LRRC9: variants seen among roughly 807,000 people sequenced by gnomAD.
The protein encoded by LRRC9 is leucine rich repeat containing 9.
In LRRC9, 122 loss-of-function variants were observed where a neutral mutation model predicts 63.2. The observed-to-expected ratio is 1.93, with a 90% confidence interval of 1.67 to 2.24. The LOEUF (loss-of-function observed/expected upper bound fraction) is 2.24. Ranked by LOEUF, LRRC9 falls within the 30% of genes most tolerant of loss-of-function variation. The pLI, the probability that LRRC9 is intolerant of heterozygous loss-of-function variation, is 0.00. For missense variants in LRRC9, 1,071 were observed against 627.7 expected (o/e 1.71, Z -7.55); for synonymous variants, 366 against 213.1 (o/e 1.72, Z -6.25).
At chr14:59,978,182 G>T in intron 15 of LRRC9, 50 bp downstream of exon 15, 1 of 688,856 alleles carries the variant, frequency 1.5e-6, no homozygotes, top group Non-Finnish European at 2.7e-6. Flanking sequence ...CCTTAAATGG[G>T]AACAAAGTAG....
chr14:60,000,547 A>G (rs898593285), intron 19 of LRRC9, among the ~76,000 whole-genome samples: 1 of 152,202 alleles, frequency 6.6e-6, no homozygotes, highest in African/African-American at 2.4e-5. Context: ...ATGGAACAGA[A>G]TAACAACCTA....
chr14:59,985,361 C>G, intron 17 of LRRC9, 137 bp downstream of exon 17: 1 of 465,934 alleles, frequency 2.1e-6, no homozygotes, highest in Non-Finnish European at 3.8e-6. Flanking sequence ...ATAAATTAGA[C>G]AAGTTCTAGG....
intron 7 of LRRC9, among the ~76,000 whole-genome samples, chr14:59,944,211 T>A (rs74580025): frequency 1.3e-5 from 2 of 151,966 alleles, no homozygotes; most frequent in African/African-American, 4.8e-5. Flanking sequence ...TTCTTATTAA[T>A]TTATTTTATT....
intron 26 of LRRC9, among the ~76,000 whole-genome samples, chr14:60,022,444 GT>G (rs1318962227): frequency 4.0e-5 from 6 of 151,614 alleles, no homozygotes; most frequent in Non-Finnish European, 5.9e-5. Context: ...AATAAAGACA[GT>G]TTTATTTACT....
chr14:60,032,021 C>T lies in LRRC9; in HGVS notation c.3948C>T (p.Asp1316=), dbSNP rs151003354. 1.5e-3 allele frequency: 1,021 copies of T among 700,560 alleles called. 24 individuals carry two copies. The East Asian group carries it at 0.023, about 15-fold the overall frequency. 43.4% of individuals were successfully genotyped at this position (700,560 alleles called of 1,614,324 possible). ...ATATCACAGAACTGGAAAAACTTGA[C>T]GTTATCTCTACTCTCAGGGAGCTTA... The change falls in exon 29 of 32, where the codon GAC becomes GAT. Residue 1316 remains aspartate, a synonymous_variant. Coordinates refer to ENST00000445360, the Ensembl canonical transcript of LRRC9.
chr14:60,026,581 C>T (rs547977287), intron 27 of LRRC9, among the ~76,000 whole-genome samples: 18 of 152,102 alleles, frequency 1.2e-4, no homozygotes, highest in African/African-American at 4.3e-4. Context: ...TAGCTTGATG[C>T]AGTCCCATTT....
intron 30 of LRRC9, among the ~76,000 whole-genome samples, chr14:60,055,911 A>C (rs1894250767): frequency 6.6e-6 from 1 of 151,104 alleles, no homozygotes; most frequent in Non-Finnish European, 1.5e-5. Flanking sequence ...TCTTGGAAAA[A>C]AAAAAAAAAA....
chr14:59,985,288 TATC>T (rs1190144249), intron 17 of LRRC9, 64 bp downstream of exon 17: 5 of 555,842 alleles, frequency 9.0e-6, no homozygotes, highest in Admixed American at 8.2e-5. Context: ...GAATGGTGGT[TATC>T]AGGGCCTAAG....
chr14:60,041,786 C>T (rs1464664498), intron 29 of LRRC9, among the ~76,000 whole-genome samples: 1 of 152,216 alleles, frequency 6.6e-6, no homozygotes, highest in Non-Finnish European at 1.5e-5. Context: ...TGTTCTGTTG[C>T]TGGCGAGGAG....
chr14:59,994,848 C>G (rs1455960855), intron 17 of LRRC9, among the ~76,000 whole-genome samples: 1 of 151,228 alleles, frequency 6.6e-6, no homozygotes, highest in Non-Finnish European at 1.5e-5. Flanking sequence ...ACATCACACA[C>G]CGGGGCCTGT....
At chr14:60,043,257 C>T (rs1893109149) in intron 29 of LRRC9, among the ~76,000 whole-genome samples, 1 of 152,206 alleles carries the variant, frequency 6.6e-6, no homozygotes, top group Non-Finnish European at 1.5e-5. Context: ...TTATTTTGCT[C>T]CTACCTTTTC....
At chr14:60,037,011 T>G (rs903730902) in intron 29 of LRRC9, among the ~76,000 whole-genome samples, 1 of 152,016 alleles carries the variant, frequency 6.6e-6, no homozygotes, top group Non-Finnish European at 1.5e-5. Context: ...TGAGAACATG[T>G]GGTGTTTGGT....
chr14:60,025,537 C>T (rs1262069210), intron 27 of LRRC9, among the ~76,000 whole-genome samples: 1 of 152,018 alleles, frequency 6.6e-6, no homozygotes, highest in Non-Finnish European at 1.5e-5. Context: ...GTAGGGCAGC[C>T]TTATTCAGGA....
At chr14:60,035,097 T>C (rs1321785468) in intron 29 of LRRC9, among the ~76,000 whole-genome samples, 2 of 87,862 alleles carry the variant, frequency 2.3e-5, no homozygotes, top group Non-Finnish European at 2.9e-5. Flanking sequence ...ATTAGTGACT[T>C]TGAGCATTTT....
At position 60,051,837 on chromosome 14, in the gene LRRC9, C is replaced by A. The variant is rs1294146246; in HGVS notation, c.3991-1228C>A. Among the ~76,000 whole-genome samples, 1 of 152,208 alleles carries A rather than the reference C, an allele frequency of 6.6e-6. No homozygotes were observed. The highest frequency in any genetic ancestry group is 1.5e-5 in the Non-Finnish European group (1 of 68,042). ...GAGACATGGGCTCACAAGGGGATCT[C>A]CCAATTTGTGGGTTGCAAAGATTCA... On this transcript the variant is annotated intron_variant, in intron 29 of 31. Transcript: ENST00000445360. This position sits in a 1 kb window ranked among gnomAD's most constrained non-coding sequence, Gnocchi z 4.7.
intron 28 of LRRC9, among the ~76,000 whole-genome samples, chr14:60,028,915 G>C (rs1258767707): frequency 1.3e-5 from 2 of 152,112 alleles, no homozygotes; most frequent in Non-Finnish European, 2.9e-5. Flanking sequence ...GTTTGCTATA[G>C]AGTTCAGGAA....
intron 29 of LRRC9, among the ~76,000 whole-genome samples, chr14:60,034,331 G>T (rs1044284996): frequency 2.6e-5 from 4 of 151,592 alleles, no homozygotes; most frequent in Admixed American, 1.3e-4. Flanking sequence ...AATTTTTAAT[G>T]TATTGCTGTC....
At position 59,922,347 on chromosome 14, in the gene LRRC9, AG is replaced by A. The variant is rs1888859770; in HGVS notation, c.-34+2466del. On this transcript the variant is annotated intron_variant, in intron 1 of 31. Transcript: ENST00000445360. The surrounding 1 kb of genome is among the most constrained non-coding windows in gnomAD (Gnocchi z 5.3). The stretch of plus-strand genomic sequence containing the variant: ...TCTCAGTCCAGATGGCAGTGAATCC[AG>A]GACTGAAAGCAGGTAGTGATGTGTT... Among the ~76,000 whole-genome samples the A allele has an allele frequency of 6.6e-6, 1 of 152,216 alleles. No individual in the cohort carries two copies. Among genetic ancestry groups the A allele is most frequent in the South Asian group, 2.1e-4 (1 of 4,828 alleles).
At chr14:60,041,130 T>C (rs1356161538) in intron 29 of LRRC9, among the ~76,000 whole-genome samples, 2 of 151,296 alleles carry the variant, frequency 1.3e-5, no homozygotes. Context: ...AGAGATCCAC[T>C]TTTAGTCTGA....
Sources: allele counts gnomAD v4.1 joint callset (sites outside exome capture counted in the v4.1 genomes callset), GRCh38; gene constraint gnomAD v4.1.1; non-coding constraint Gnocchi (gnomAD v3.1); transcripts MANE v1.5; gene names NCBI Gene and HGNC (gene_info 2026-07-23, HGNC 2026-07-21).